The following PPP1R26 variants were observed in gnomAD, a reference collection of about 807,000 sequenced individuals.
PPP1R26 encodes 1A6/DRIM (down-regulated in metastasis) interacting protein.
PPP1R26 carries 22 observed loss-of-function variants against 67.6 expected under a neutral mutation model. That is an observed-to-expected ratio of 0.33 (90% CI 0.23 to 0.46). The LOEUF (loss-of-function observed/expected upper bound fraction) is 0.46. PPP1R26 is among the 20% of genes least tolerant of loss of function. The pLI is 1.00. For synonymous variants in PPP1R26, 729 were observed against 717.2 expected, an observed-to-expected ratio of 1.02 and a Z score of -0.26; for missense variants, 1,602 against 1,651.4, an observed-to-expected ratio of 0.97 and a Z score of 0.52.
In PPP1R26 at chr9:135,487,978, T is replaced by C. The variant is rs774641902; in HGVS notation, c.3468T>C (p.His1156=). The part of the protein sequence containing the change: ...TRKAQAGLSL[H]DRRSSGSEES... ...AGGCACAGGCAGGGCTGAGTTTGCA[T>C]GACAGGAGGAGCTCGGGCTCGGAGG... The change falls in exon 4 of 4, where the codon CAT becomes CAC. Residue 1156 remains histidine, a synonymous_variant. Coordinates refer to ENST00000356818, the MANE Select transcript of PPP1R26 (RefSeq NM_014811.5). 2.1e-5 allele frequency: 33 copies of C among 1,608,240 alleles called. No individual in the cohort carries two copies. The highest frequency in any genetic ancestry group is 2.0e-4 in the South Asian group (18 of 90,404).
chr9:135,486,818 C>G lies in PPP1R26; in HGVS notation c.2308C>G (p.Pro770Ala). 1 of 1,608,752 alleles carries G rather than the reference C, an allele frequency of 6.2e-7. No individual in the cohort carries two copies. The highest frequency in any genetic ancestry group is 8.5e-7 in the Non-Finnish European group (1 of 1,178,182). ...DSGEGPGKKP[P>A]SVFGSTAERM... The stretch of plus-strand genomic sequence containing the variant: ...TGGCGAGGGTCCTGGGAAGAAACCC[C>G]CCAGTGTCTTTGGCAGCACGGCAGA... The change falls in exon 4 of 4, where the codon CCC becomes GCC. Residue 770 changes from proline to alanine, a missense_variant. Pro to Ala is a conservative substitution (Grantham distance 27). This residue lies in a region of PPP1R26 where 740 missense variants were observed against 696.3 expected (regional missense o/e 1.06). Transcript: ENST00000356818. This position sits in a 1 kb window ranked among gnomAD's most constrained non-coding sequence, Gnocchi z 6.2.
rs369148091 is a variant in PPP1R26 at position 135,486,751 on chromosome 9, G to A, written c.2241G>A (p.Pro747=). Residue 747 remains proline, a synonymous_variant, in exon 4 of 4, where the codon CCG becomes CCA. Transcript: ENST00000356818. The surrounding 1 kb of genome is among the most constrained non-coding windows in gnomAD (Gnocchi z 6.2). ...GLRRDWKDRG[P]PVLKSCLSKS... ...GGAGAGACTGGAAAGACAGGGGCCC[G>A]CCAGTGCTGAAGAGCTGCCTCTCCA... 7.2e-5 allele frequency: 114 copies of A among 1,575,008 alleles called. No individual in the cohort carries two copies. Among genetic ancestry groups the A allele is most frequent in the African/African-American group, 3.8e-4 (28 of 74,120 alleles).
At position 135,488,147 on chromosome 9, in the gene PPP1R26, G is replaced by A. The variant is rs755000703; in HGVS notation, c.*7G>A. 109 of 1,499,558 alleles carry A rather than the reference G, an allele frequency of 7.3e-5. No homozygotes were observed. The highest frequency in any genetic ancestry group is 8.8e-5 in the Non-Finnish European group (99 of 1,125,710). 92.9% of individuals were successfully genotyped at this position (1,499,558 alleles called of 1,614,324 possible). A position where few individuals can be genotyped will look rare whatever the true frequency, so the allele number is the denominator to read the frequency against. On this transcript the variant is annotated 3_prime_UTR_variant, in exon 4 of 4. Transcript: ENST00000356818. ...CTCAGTAGTGAAGGTCTAAGCCCTC[G>A]AGCTGTGGGTTCGCGTCCTGGGTTG... is the stretch of plus-strand genomic sequence containing the variant.
chr9:135,485,119 A>T lies in PPP1R26; in HGVS notation c.609A>T (p.Gly203=). 6.2e-7 allele frequency: 1 copy of T among 1,612,832 alleles called. No homozygotes were observed. Among genetic ancestry groups the T allele is most frequent in the Non-Finnish European group, 8.5e-7 (1 of 1,179,852 alleles). ...GSGGGPGSQV[G]SSKDQGSASP... ...GTGGTGGCCCCGGCAGCCAGGTGGG[A>T]TCCAGCAAGGACCAGGGCTCCGCCT... Residue 203 remains glycine (G), a synonymous_variant, in exon 4 of 4, where the codon GGA becomes GGT. Transcript: ENST00000356818. This position sits in a 1 kb window ranked among gnomAD's most constrained non-coding sequence, Gnocchi z 7.2.
rs1397390108 is a variant in PPP1R26, at chr9:135,486,051, C to A, written c.1541C>A (p.Ser514Tyr). The A allele has an allele frequency of 1.9e-6, 3 of 1,613,220 alleles. No individual in the cohort carries two copies. In the South Asian group the frequency reaches 3.3e-5, roughly 18 times the overall value. The stretch of plus-strand genomic sequence containing the variant: ...CTGTCCGCAAGCCCACTCTTCTACT[C>A]CCCGAACGTGCCTTCCCGCTCTGAC... ...GSLSASPLFY[S>Y]PNVPSRSDGD... The change falls in exon 4 of 4, where the codon TCC (serine) becomes TAC (tyrosine). Residue 514 changes from serine to tyrosine, a missense_variant. By Grantham distance (144) the Ser-to-Tyr change is moderately radical. Transcript: ENST00000356818. This position sits in a 1 kb window ranked among gnomAD's most constrained non-coding sequence, Gnocchi z 6.2.
intron 3 of PPP1R26, 105 bp downstream of exon 3, chr9:135,484,187 G>A (rs1414074763): frequency 1.3e-5 from 6 of 475,046 alleles, no homozygotes; most frequent in Admixed American, 3.8e-5. Flanking sequence ...ACCGTGGAGG[G>A]TGGTTGGAAA....
chr9:135,479,456 G>A (rs1453930494), upstream of PPP1R26, among the ~76,000 whole-genome samples: 2 of 150,828 alleles, frequency 1.3e-5, no homozygotes, highest in Non-Finnish European at 3.0e-5. This position sits in a 1 kb window ranked among gnomAD's most constrained non-coding sequence, Gnocchi z 5.9. Context: ...GCGCCCCCCG[G>A]AGGTGGCCGC....
chr9:135,487,712 C>G lies in PPP1R26; in HGVS notation c.3202C>G (p.Arg1068Gly). Residue 1068 changes from arginine (R) to glycine (G), a missense_variant, in exon 4 of 4, where the codon CGG becomes GGG. Coordinates refer to ENST00000356818, the MANE Select transcript of PPP1R26 (RefSeq NM_014811.5). ...ERDKGSEGPA[R>G]GLPSLPLAGF... Reference sequence around the variant, plus strand: ...AGACAAGGGGTCCGAGGGCCCCGCCCGGGGCCTGCCCAGCCTGCCCCTTGC... The same window carrying G: ...AGACAAGGGGTCCGAGGGCCCCGCCGGGGGCCTGCCCAGCCTGCCCCTTGC... The G allele has an allele frequency of 6.9e-7, 1 of 1,450,854 alleles. No individual in the cohort carries two copies. Among genetic ancestry groups the G allele is most frequent in the Non-Finnish European group, 9.1e-7 (1 of 1,101,916 alleles). 89.9% of individuals were successfully genotyped at this position (1,450,854 alleles called of 1,614,324 possible).
chr9:135,484,894 C>T lies in PPP1R26; in HGVS notation c.384C>T (p.Ser128=), dbSNP rs371202742. 23 of 1,598,130 alleles carry T rather than the reference C, an allele frequency of 1.4e-5. No homozygotes were observed. The highest frequency in any genetic ancestry group is 3.4e-5 in the Admixed American group (2 of 59,192). The change falls in exon 4 of 4, where the codon TCC becomes TCT. Residue 128 remains serine (S), a synonymous_variant. Coordinates refer to ENST00000356818, the MANE Select transcript of PPP1R26 (RefSeq NM_014811.5). ...TGCTAGATTCAGACAGTGATGATTC[C>T]GTGGACAGGGACATTGAGGAGGCCA... ...PLVLDSDSDD[S]VDRDIEEAIQ...
At position 135,484,703 on chromosome 9, in the gene PPP1R26, G is replaced by A. The variant is rs775569722; in HGVS notation, c.193G>A (p.Asp65Asn). The change falls in exon 4 of 4, where the codon GAT becomes AAT. Residue 65 changes from aspartate to asparagine, a missense_variant. By Grantham distance (23) the Asp-to-Asn change is conservative. This residue lies in a region of PPP1R26 where 168 missense variants were observed against 176.1 expected (regional missense o/e 0.95). Coordinates refer to ENST00000356818, the MANE Select transcript of PPP1R26 (RefSeq NM_014811.5). ...QRDGAARGTS[D>N]ERAAQRGHRA... The stretch of plus-strand genomic sequence containing the variant: ...CGACGGGGCTGCTCGGGGCACCAGC[G>A]ATGAGCGCGCCGCACAGAGGGGCCA... The A allele has an allele frequency of 5.6e-6, 9 of 1,609,888 alleles. No individual in the cohort carries two copies. Among genetic ancestry groups the A allele is most frequent in the South Asian group, 5.5e-5 (5 of 90,962 alleles).
chr9:135,481,133 C>T (rs1470965199), intron 1 of PPP1R26, among the ~76,000 whole-genome samples: 2 of 152,080 alleles, frequency 1.3e-5, no homozygotes, highest in Non-Finnish European at 2.9e-5. Context: ...GGTGTCCCCA[C>T]AGCCACCCTC....
At position 135,485,638 on chromosome 9, in the gene PPP1R26, G is replaced by A; in HGVS notation, c.1128G>A (p.Gln376=). The change falls in exon 4 of 4, where the codon CAG becomes CAA. Residue 376 remains glutamine (Q), a synonymous_variant. Transcript: ENST00000356818. The surrounding 1 kb of genome is among the most constrained non-coding windows in gnomAD (Gnocchi z 7.2). ...TTGAGGAGGCCATCCAGCTGTACCA[G>A]CTGCAGAAAACACGCAAGGAGGCCG... The part of the protein sequence containing the change: ...DGIEEAIQLY[Q]LQKTRKEADG... 6.2e-7 allele frequency: 1 copy of A among 1,612,962 alleles called. No homozygotes were observed. Among genetic ancestry groups the A allele is most frequent in the East Asian group, 2.2e-5 (1 of 44,880 alleles).
At position 135,486,266 on chromosome 9, in the gene PPP1R26, C is replaced by G. The variant is rs781274527; in HGVS notation, c.1756C>G (p.Pro586Ala). 3 of 1,612,954 alleles carry G rather than the reference C, an allele frequency of 1.9e-6. No homozygotes were observed. The Admixed American group carries it at 5.0e-5, about 27-fold the overall frequency. ...CCACAAGACCCCTCTCTCTAAAACA[C>G]CAGACCCACTGCTGGGCTGCAAAAG... ...GGHKTPLSKT[P>A]DPLLGCKRKR... The change falls in exon 4 of 4, where the codon CCA becomes GCA. Residue 586 changes from proline to alanine, a missense_variant. Physicochemically the swap from Pro to Ala is conservative, Grantham distance 27. Transcript: ENST00000356818. This position sits in a 1 kb window ranked among gnomAD's most constrained non-coding sequence, Gnocchi z 6.2.
At position 135,485,058 on chromosome 9, in the gene PPP1R26, C is replaced by A; in HGVS notation, c.548C>A (p.Thr183Asn). 1 of 1,605,794 alleles carries A rather than the reference C, an allele frequency of 6.2e-7. No homozygotes were observed. The highest frequency in any genetic ancestry group is 8.5e-7 in the Non-Finnish European group (1 of 1,176,658). Residue 183 changes from threonine (T) to asparagine (N), a missense_variant, in exon 4 of 4, where the codon ACT (threonine) becomes AAT (asparagine). Thr to Asn is a moderately conservative substitution (Grantham distance 65). This residue lies in a region of PPP1R26 where 680 missense variants were observed against 726.1 expected (regional missense o/e 0.94). Transcript: ENST00000356818. The surrounding 1 kb of genome is among the most constrained non-coding windows in gnomAD (Gnocchi z 7.2). Reference sequence around the variant, plus strand: ...GAACCGGCTCACGGCAGTGCCCCGACTGCCCTGTGTCCCCCAAAACTTGTA... The same window carrying A: ...GAACCGGCTCACGGCAGTGCCCCGAATGCCCTGTGTCCCCCAAAACTTGTA... The part of the protein sequence containing the change: ...KPEPAHGSAP[T>N]ALCPPKLVPG...
Position 135,487,327 on chromosome 9 carries a change from C to G in PPP1R26, c.2817C>G (p.Pro939=). ...CTGCCCGAGGGGATCCGGTGCCGCC[C>G]AGGAGCACCAGCGGCGGTGTCTCCG... The part of the protein sequence containing the change: ...AAPARGDPVP[P]RSTSGGVSAK... Residue 939 remains proline (P), a synonymous_variant, in exon 4 of 4, where the codon CCC becomes CCG. Coordinates refer to ENST00000356818, the MANE Select transcript of PPP1R26 (RefSeq NM_014811.5). 1 of 1,555,238 alleles carries G rather than the reference C, an allele frequency of 6.4e-7. No individual in the cohort carries two copies. The highest frequency in any genetic ancestry group is 8.7e-7 in the Non-Finnish European group (1 of 1,152,808).
In PPP1R26 at chr9:135,487,867, C is replaced by T. The variant is rs763203224; in HGVS notation, c.3357C>T (p.Phe1119=). ...TGCAGGGCCCCTCCTTCTCGGCCTT[C>T]AGGGAGGCCCAGGCCGGACCCAGCC... ...LPLQGPSFSA[F]REAQAGPSPV... Residue 1119 remains phenylalanine (F), a synonymous_variant, in exon 4 of 4, where the codon TTC becomes TTT. Coordinates refer to ENST00000356818, the MANE Select transcript of PPP1R26 (RefSeq NM_014811.5). 1.5e-5 allele frequency: 24 copies of T among 1,585,974 alleles called. No homozygotes were observed. The South Asian group carries it at 2.8e-4, about 18-fold the overall frequency.
rs146673538 is a variant in PPP1R26 at position 135,486,469 on chromosome 9, C to T, written c.1959C>T (p.Ala653=). 1.9e-5 allele frequency: 30 copies of T among 1,613,060 alleles called. No individual in the cohort carries two copies. The South Asian group carries it at 2.6e-4, about 14-fold the overall frequency. ...ASEALGGEGT[A]RGPGDTRMSQ... is the part of the protein sequence containing the mutation. ...AGGCCCTGGGAGGGGAGGGCACCGCCAGGGGCCCTGGCGACACTCGCATGT... is the reference window on the plus strand; with the variant it reads ...AGGCCCTGGGAGGGGAGGGCACCGCTAGGGGCCCTGGCGACACTCGCATGT... The change falls in exon 4 of 4, where the codon GCC becomes GCT. Residue 653 remains alanine, a synonymous_variant. Coordinates refer to ENST00000356818, the MANE Select transcript of PPP1R26 (RefSeq NM_014811.5). The surrounding 1 kb of genome is among the most constrained non-coding windows in gnomAD (Gnocchi z 6.2).
rs963598405 is a variant in PPP1R26 at position 135,488,856 on chromosome 9, A to G, written c.*716A>G. The stretch of plus-strand genomic sequence containing the variant: ...ATGTCCAATCTTGTTCGATCACTAG[A>G]TGATTCTAACATCGAAATAAACCTC... On this transcript the variant is annotated 3_prime_UTR_variant, in exon 4 of 4. Transcript: ENST00000356818. The G allele has an allele frequency of 1.2e-5, 2 of 166,886 alleles. No homozygotes were observed. Among genetic ancestry groups the G allele is most frequent in the Non-Finnish European group, 2.9e-5 (2 of 68,120 alleles). 10.3% of individuals were successfully genotyped at this position (166,886 alleles called of 1,614,324 possible). A position where few individuals can be genotyped will look rare whatever the true frequency, so the allele number is the denominator to read the frequency against.
Position 135,488,100 on chromosome 9 carries a change from C to A in PPP1R26, c.3590C>A (p.Ser1197Tyr). The A allele has an allele frequency of 5.8e-6, 9 of 1,546,570 alleles. No individual in the cohort carries two copies. Among genetic ancestry groups the A allele is most frequent in the Non-Finnish European group, 7.8e-6 (9 of 1,147,740 alleles). The change falls in exon 4 of 4, where the codon TCC becomes TAC. Residue 1197 changes from serine to tyrosine, a missense_variant. Coordinates refer to ENST00000356818, the MANE Select transcript of PPP1R26 (RefSeq NM_014811.5). ...GACGCCAGTGACTTCAGCGACACCT[C>A]CACGGAGGACAGTGGCGGCAGCTCA... is the stretch of plus-strand genomic sequence containing the variant. The part of the protein sequence containing the change: ...GSDASDFSDT[S>Y]TEDSGGSSVV...
Sources: allele counts gnomAD v4.1 joint callset (sites outside exome capture counted in the v4.1 genomes callset), GRCh38; gene constraint gnomAD v4.1.1; regional missense constraint gnomAD v4.1.1; non-coding constraint Gnocchi (gnomAD v3.1); transcripts MANE v1.5; gene names NCBI Gene and HGNC (gene_info 2026-07-23, HGNC 2026-07-21).